The following CDH6 variants were observed in gnomAD, a reference collection of about 807,000 sequenced individuals.
CDH6 encodes the protein cadherin 6.
A neutral mutation model predicts 78.0 loss-of-function variants in CDH6; 31 were observed. The ratio of observed to expected loss-of-function variants is 0.40; its 90% CI spans 0.30 to 0.54. The LOEUF is 0.54. CDH6 is among the 20% of genes least tolerant of loss of function. The probability of loss-of-function intolerance (pLI) is 0.56; values close to 1 mark genes in which losing one functional copy is unlikely to be tolerated. For missense variants in CDH6, 724 were observed against 975.9 expected (o/e 0.74, Z 3.44); for synonymous variants, 376 against 368.8 (o/e 1.02, Z -0.23).
chr5:31,225,468 G>A (rs950171540), intron 1 of CDH6, among the ~76,000 whole-genome samples: 1 of 152,144 alleles, frequency 6.6e-6, no homozygotes, highest in African/African-American at 2.4e-5. Flanking sequence ...AAGAAAAGAG[G>A]TTTAATTGGC....
intron 1 of CDH6, among the ~76,000 whole-genome samples, chr5:31,200,947 C>T (rs913946739): frequency 6.6e-6 from 1 of 152,128 alleles, no homozygotes; most frequent in Non-Finnish European, 1.5e-5. Flanking sequence ...TAATACTCTT[C>T]ATTTAACTGT....
At chr5:31,322,434 C>G (rs1199135140) in intron 11 of CDH6, among the ~76,000 whole-genome samples, 1 of 152,080 alleles carries the variant, frequency 6.6e-6, no homozygotes, top group Non-Finnish European at 1.5e-5. Flanking sequence ...TCCTTGTAAC[C>G]AGTTTCAGAG....
intron 8 of CDH6, among the ~76,000 whole-genome samples, chr5:31,313,669 A>G (rs1738218473): frequency 6.6e-6 from 1 of 152,232 alleles, no homozygotes; most frequent in African/African-American, 2.4e-5. Context: ...GTGGTTTGGA[A>G]ACAATAAAAT....
intron 1 of CDH6, among the ~76,000 whole-genome samples, chr5:31,222,502 T>G (rs1224828647): frequency 6.6e-6 from 1 of 152,194 alleles, no homozygotes; most frequent in Non-Finnish European, 1.5e-5. Context: ...ATATATTAAA[T>G]CGAGCTTAAT....
At chr5:31,202,707 A>G (rs749700206) in intron 1 of CDH6, among the ~76,000 whole-genome samples, 1 of 151,680 alleles carries the variant, frequency 6.6e-6, no homozygotes, top group Non-Finnish European at 1.5e-5. Flanking sequence ...ATATATACAT[A>G]CATGCGTATA....
chr5:31,203,380 A>G (rs1387861107), intron 1 of CDH6, among the ~76,000 whole-genome samples: 1 of 124,914 alleles, frequency 8.0e-6, no homozygotes, highest in Non-Finnish European at 1.7e-5. Context: ...TATATCTCCC[A>G]ATGCTATCCC....
intron 2 of CDH6, among the ~76,000 whole-genome samples, chr5:31,276,852 T>G (rs577431848): frequency 6.6e-6 from 1 of 152,306 alleles, no homozygotes; most frequent in Admixed American, 6.5e-5. Context: ...ATTAAATAAC[T>G]TAATACACAG....
chr5:31,254,761 T>C (rs1742009324), intron 1 of CDH6, among the ~76,000 whole-genome samples: 1 of 152,264 alleles, frequency 6.6e-6, no homozygotes, highest in Non-Finnish European at 1.5e-5. Flanking sequence ...TGATATTTTT[T>C]CTTCGGATTT....
rs574915481 is a variant in CDH6, at chr5:31,215,954, A to G, written c.-129+22068A>G. ...TTCCTGATAATGACTGTGTGTTTAC[A>G]CTCACCATCATAAAGTAGGAAGAAG... On this transcript the variant is annotated intron_variant, in intron 1 of 11. Coordinates refer to ENST00000265071, the MANE Select transcript of CDH6 (RefSeq NM_004932.4). Among the ~76,000 whole-genome samples, 62 of 152,174 alleles carry G rather than the reference A, an allele frequency of 4.1e-4. 1 individual carries two copies. The highest frequency in any genetic ancestry group is 1.3e-3 in the African/African-American group (55 of 41,534).
intron 1 of CDH6, among the ~76,000 whole-genome samples, chr5:31,237,754 T>C (rs1483023065): frequency 6.6e-6 from 1 of 152,198 alleles, no homozygotes; most frequent in Non-Finnish European, 1.5e-5. Flanking sequence ...TCACATTTTT[T>C]TTCCGGGAGA....
intron 1 of CDH6, among the ~76,000 whole-genome samples, chr5:31,228,588 T>G (rs567125532): frequency 2.0e-5 from 3 of 152,200 alleles, no homozygotes; most frequent in African/African-American, 7.2e-5. Flanking sequence ...AAGAAAATTT[T>G]TCCACAGATG....
At chr5:31,231,802 A>C (rs544298528) in intron 1 of CDH6, among the ~76,000 whole-genome samples, 2 of 152,192 alleles carry the variant, frequency 1.3e-5, no homozygotes, top group South Asian at 4.1e-4. Flanking sequence ...TTTCAACATA[A>C]GTTTTGGAGG....
chr5:31,305,526 A>T, intron 7 of CDH6, 99 bp downstream of exon 7: 1 of 1,264,120 alleles, frequency 7.9e-7, no homozygotes, highest in Non-Finnish European at 1.1e-6. Context: ...CTTTTGTTCC[A>T]ATTAGACAAC....
At chr5:31,242,859 T>TA (rs143490918) in intron 1 of CDH6, among the ~76,000 whole-genome samples, 3,852 of 132,546 alleles carry the variant, frequency 0.029, 161 homozygotes, top group African/African-American at 0.097. Context: ...TCGCCTCTAC[T>TA]AAAAAAAAAA....
intron 1 of CDH6, among the ~76,000 whole-genome samples, chr5:31,235,104 A>G (rs1400362655): frequency 6.6e-6 from 1 of 152,140 alleles, no homozygotes; most frequent in Non-Finnish European, 1.5e-5. Flanking sequence ...TCCAGCTGAG[A>G]AGACCATGGG....
intron 3 of CDH6, 136 bp from the exon 4 acceptor site, chr5:31,297,153 C>T: frequency 2.8e-6 from 2 of 720,958 alleles, no homozygotes; most frequent in South Asian, 1.6e-5. Flanking sequence ...CCTTTTTCAC[C>T]CAGCATCCTA....
intron 2 of CDH6, among the ~76,000 whole-genome samples, chr5:31,277,594 C>T (rs548735450): frequency 8.5e-5 from 13 of 152,150 alleles, no homozygotes; most frequent in African/African-American, 2.9e-4. Context: ...GAACTTTGAC[C>T]TTAAATATAT....
chr5:31,237,503 G>A (rs1215114097), intron 1 of CDH6, among the ~76,000 whole-genome samples: 1 of 152,138 alleles, frequency 6.6e-6, no homozygotes, highest in East Asian at 1.9e-4. Context: ...CTTATGTAAG[G>A]AGGTTTATTC....
At chr5:31,264,088 A>G (rs1310459839) in intron 1 of CDH6, among the ~76,000 whole-genome samples, 3 of 152,244 alleles carry the variant, frequency 2.0e-5, no homozygotes, top group African/African-American at 4.8e-5. Flanking sequence ...CCCTGTTTCT[A>G]TACCACTACT....
Sources: allele counts gnomAD v4.1 joint callset (sites outside exome capture counted in the v4.1 genomes callset), GRCh38; gene constraint gnomAD v4.1.1; transcripts MANE v1.5; gene names NCBI Gene and HGNC (gene_info 2026-07-23, HGNC 2026-07-21).